Variants in FUT9 observed in about 807,000 individuals in gnomAD.
The protein encoded by FUT9 is 4-galactosyl-N-acetylglucosaminide 3-alpha-L-fucosyltransferase 9.
In FUT9, 15 loss-of-function variants were observed where a neutral mutation model predicts 29.7. The ratio of observed to expected loss-of-function variants is 0.51; its 90% CI spans 0.34 to 0.78. The LOEUF (loss-of-function observed/expected upper bound fraction) is 0.78, where lower values mean the gene tolerates loss of function less well. FUT9 is among the 30% of genes least tolerant of loss of function. The pLI, the probability that FUT9 is intolerant of heterozygous loss-of-function variation, is 0.01. For synonymous variants in FUT9, 169 were observed against 153.7 expected (o/e 1.10, Z -0.74); for missense variants, 319 against 425.4 (o/e 0.75, Z 2.20).
intron 1 of FUT9, among the ~76,000 whole-genome samples, chr6:96,064,334 G>T (rs139442596): frequency 6.6e-6 from 1 of 152,070 alleles, no homozygotes; most frequent in Admixed American, 6.6e-5. Context: ...CTGAATGAGG[G>T]GCATAGAGAG....
At chr6:96,113,307 C>T (rs2127961565) in intron 1 of FUT9, among the ~76,000 whole-genome samples, 1 of 151,878 alleles carries the variant, frequency 6.6e-6, no homozygotes, top group Non-Finnish European at 1.5e-5. Flanking sequence ...GGTGTGATCT[C>T]GGATCATTGC....
At chr6:96,101,554 A>G (rs1349462784) in intron 1 of FUT9, among the ~76,000 whole-genome samples, 1 of 152,040 alleles carries the variant, frequency 6.6e-6, no homozygotes, top group Non-Finnish European at 1.5e-5. Context: ...GTCTTAAAAA[A>G]AAAAGAACAT....
chr6:96,125,102 G>A (rs1410089357), intron 2 of FUT9, among the ~76,000 whole-genome samples: 2 of 152,150 alleles, frequency 1.3e-5, no homozygotes, highest in African/African-American at 4.8e-5. Context: ...TCCTTTATCT[G>A]TAAAATAGGA....
intron 1 of FUT9, among the ~76,000 whole-genome samples, chr6:96,031,882 G>C (rs1172713388): frequency 6.6e-6 from 1 of 151,388 alleles, no homozygotes; most frequent in Non-Finnish European, 1.5e-5. Flanking sequence ...ACTTCAATTG[G>C]TTTGAGAAAC....
intron 2 of FUT9, among the ~76,000 whole-genome samples, chr6:96,178,914 T>G (rs751820164): frequency 1.3e-5 from 2 of 152,128 alleles, no homozygotes; most frequent in Non-Finnish European, 2.9e-5. Flanking sequence ...AAAAAAAATA[T>G]GTCCTTTTTC....
At chr6:96,024,597 C>G (rs1179945766) in intron 1 of FUT9, among the ~76,000 whole-genome samples, 3 of 151,714 alleles carry the variant, frequency 2.0e-5, no homozygotes, top group Non-Finnish European at 4.4e-5. Context: ...CTGGCTGACT[C>G]AGTCTTGGCT....
At chr6:96,105,397 T>C (rs1199343209) in intron 1 of FUT9, among the ~76,000 whole-genome samples, 7 of 152,242 alleles carry the variant, frequency 4.6e-5, no homozygotes, top group African/African-American at 1.4e-4. Context: ...ACAAGGCATT[T>C]TGATTTTTAA....
Position 96,171,518 on chromosome 6 carries a change from C to T in FUT9, c.-8-31630C>T, listed in dbSNP as rs73757739. On this transcript the variant is annotated intron_variant, in intron 2 of 2. Coordinates refer to ENST00000302103, the MANE Select transcript of FUT9 (RefSeq NM_006581.4). ...TGGGACACAATAGTTGTCTGAGACG[C>T]TCTTCCTCCTCTTGTAATCTAGACT... is the stretch of plus-strand genomic sequence containing the variant. Among the ~76,000 whole-genome samples the T allele has an allele frequency of 1.6e-3, 247 of 152,248 alleles. 1 individual carries two copies. The highest frequency in any genetic ancestry group is 5.7e-3 in the African/African-American group (238 of 41,538).
Position 96,206,666 on chromosome 6 carries a change from TG to T in FUT9, c.*2433del, listed in dbSNP as rs1400962102. 2 of 161,482 alleles carry T rather than the reference TG, an allele frequency of 1.2e-5. No individual in the cohort carries two copies. Among genetic ancestry groups the T allele is most frequent in the Non-Finnish European group, 2.9e-5 (2 of 68,212 alleles). The allele number at this position is 161,482 out of a possible 1,614,324, so 10.0% of individuals were successfully genotyped here. A position where few individuals can be genotyped will look rare whatever the true frequency, so the allele number is the denominator to read the frequency against. ...TTAGTAGAGATGGGTTTCACTGTGTTGGCCAGGCTGGTCTTGAACTCCTGAC... is the reference window on the plus strand; with the variant it reads ...TTAGTAGAGATGGGTTTCACTGTGTTGCCAGGCTGGTCTTGAACTCCTGAC... On this transcript the variant is annotated 3_prime_UTR_variant, in exon 3 of 3. Coordinates refer to ENST00000302103, the MANE Select transcript of FUT9 (RefSeq NM_006581.4).
intron 2 of FUT9, among the ~76,000 whole-genome samples, chr6:96,163,490 C>T (rs1038524819): frequency 5.9e-5 from 9 of 152,150 alleles, no homozygotes; most frequent in Admixed American, 5.9e-4. Context: ...ATCCCAGTGG[C>T]CATACTTCAA....
chr6:96,176,881 C>T (rs1040689033), intron 2 of FUT9, among the ~76,000 whole-genome samples: 1 of 152,162 alleles, frequency 6.6e-6, no homozygotes, highest in Non-Finnish European at 1.5e-5. Context: ...CTGTGACTGC[C>T]GCTTAGTCTT....
intron 2 of FUT9, among the ~76,000 whole-genome samples, chr6:96,148,984 G>C (rs939806260): frequency 5.9e-5 from 9 of 152,042 alleles, no homozygotes; most frequent in Middle Eastern, 3.4e-3. Context: ...GTGAAACCTT[G>C]TCTCTAACTA....
intron 2 of FUT9, among the ~76,000 whole-genome samples, chr6:96,128,081 T>A (rs1205023275): frequency 6.6e-6 from 1 of 152,104 alleles, no homozygotes; most frequent in Non-Finnish European, 1.5e-5. Flanking sequence ...AAAAGAAAAT[T>A]GTAAAGAGCT....
intron 1 of FUT9, among the ~76,000 whole-genome samples, chr6:96,094,366 TG>T (rs1771460860): frequency 6.6e-6 from 1 of 152,136 alleles, no homozygotes; most frequent in African/African-American, 2.4e-5. Context: ...TACTTAATAA[TG>T]GCCCCAAAGC....
intron 1 of FUT9, among the ~76,000 whole-genome samples, chr6:96,052,279 T>C (rs1485510938): frequency 6.6e-6 from 1 of 152,120 alleles, no homozygotes; most frequent in Non-Finnish European, 1.5e-5. Flanking sequence ...CAGGTAGGGA[T>C]TATGGAAATT....
At chr6:96,149,636 G>T (rs1279012035) in intron 2 of FUT9, among the ~76,000 whole-genome samples, 2 of 152,150 alleles carry the variant, frequency 1.3e-5, no homozygotes, top group Non-Finnish European at 2.9e-5. Flanking sequence ...TGAACACTGT[G>T]AGAAAAAATA....
chr6:96,099,767 G>A (rs181790039), intron 1 of FUT9, among the ~76,000 whole-genome samples: 1 of 152,120 alleles, frequency 6.6e-6, no homozygotes, highest in Non-Finnish European at 1.5e-5. Context: ...TTTCTATAAG[G>A]AGACACTCAT....
At chr6:96,040,178 C>T (rs9485570) in intron 1 of FUT9, among the ~76,000 whole-genome samples, 40,502 of 151,940 alleles carry the variant, frequency 0.27, 5,443 homozygotes, top group South Asian at 0.32. Context: ...TTTGTTATCC[C>T]ACTGCCTAAC....
intron 2 of FUT9, among the ~76,000 whole-genome samples, chr6:96,151,978 G>T (rs563791313): frequency 6.6e-6 from 1 of 152,148 alleles, no homozygotes; most frequent in Non-Finnish European, 1.5e-5. Context: ...ATTCAAAATG[G>T]GATCAGAGGA....
Sources: gnomAD v4.1 joint callset for allele counts (sites outside exome capture counted in the v4.1 genomes callset) on GRCh38, gnomAD v4.1.1 for gene constraint, MANE v1.5 for transcripts, NCBI Gene and HGNC (gene_info 2026-07-23, HGNC 2026-07-21) for gene names.